ZFAND3: variants seen among roughly 807,000 people sequenced by gnomAD.
The protein encoded by ZFAND3 is AN1-type zinc finger protein 3.
Under a neutral mutation model 29.6 loss-of-function variants are expected in ZFAND3, and 10 were observed. The ratio of observed to expected loss-of-function variants is 0.34; its 90% CI spans 0.21 to 0.57. The LOEUF (loss-of-function observed/expected upper bound fraction) is 0.57, where lower values mean the gene tolerates loss of function less well. Among genes scored for constraint, ZFAND3 ranks in the 20% least tolerant of loss-of-function variants. The pLI is 0.86. For synonymous variants in ZFAND3, 128 were observed against 112.6 expected (o/e 1.14, Z -0.87); for missense variants, 230 against 304.5 (o/e 0.76, Z 1.82).
chr6:37,956,395 A>G (rs1322868445), intron 2 of ZFAND3, among the ~76,000 whole-genome samples: 1 of 152,206 alleles, frequency 6.6e-6, no homozygotes, highest in Admixed American at 6.5e-5. Context: ...ATGGAAGTAA[A>G]TAGAACACAA....
rs1474939901 is a variant in ZFAND3, at chr6:38,152,229, C to G, written c.530-6C>G. 1.3e-6 allele frequency: 2 copies of G among 1,502,552 alleles called. No homozygotes were observed. The highest frequency in any genetic ancestry group is 1.8e-6 in the Non-Finnish European group (2 of 1,122,364). The allele number at this position is 1,502,552 out of a possible 1,614,324, so 93.1% of individuals were successfully genotyped here. A position where few individuals can be genotyped will look rare whatever the true frequency, so the allele number is the denominator to read the frequency against. ...ACTCTTTCCTCTGCTTCTCCCGCTG[C>G]TGCAGGTTATGTGTTCTGTATGTTA... On this transcript the variant is annotated splice_polypyrimidine_tract_variant and splice_region_variant and intron_variant, in intron 5 of 5. Coordinates refer to ENST00000287218, the MANE Select transcript of ZFAND3 (RefSeq NM_021943.3).
At chr6:38,011,287 C>A (rs537908077) in intron 2 of ZFAND3, among the ~76,000 whole-genome samples, 34 of 152,040 alleles carry the variant, frequency 2.2e-4, no homozygotes, top group Admixed American at 3.9e-4. Flanking sequence ...TGAATGTATG[C>A]TTTTATTTTC....
rs1451266366 is a variant in ZFAND3 at position 38,065,396 on chromosome 6, AGAG to A, written c.295+3626_295+3628del. ...TCTGCACTTAAGGAGCAAAAAGGAT[AGAG>A]GAGGCAACTGAAGAAGTCAGGAGGA... On this transcript the variant is annotated intron_variant, in intron 3 of 5. Coordinates refer to ENST00000287218, the MANE Select transcript of ZFAND3 (RefSeq NM_021943.3). Among the ~76,000 whole-genome samples, 3 of 152,276 alleles carry A rather than the reference AGAG, an allele frequency of 2.0e-5. No individual in the cohort carries two copies. The East Asian group carries it at 5.8e-4, about 29-fold the overall frequency.
chr6:38,141,316 C>A (rs1174851437), intron 5 of ZFAND3, among the ~76,000 whole-genome samples: 3 of 152,292 alleles, frequency 2.0e-5, no homozygotes, highest in African/African-American at 7.2e-5. Flanking sequence ...AGACATGAGG[C>A]TTTTCAACAA....
At chr6:38,098,835 A>G (rs1038046195) in intron 4 of ZFAND3, among the ~76,000 whole-genome samples, 9 of 152,096 alleles carry the variant, frequency 5.9e-5, no homozygotes, top group Non-Finnish European at 2.9e-5. Context: ...GTCCTCACTT[A>G]ACATTGTTAA....
intron 1 of ZFAND3, among the ~76,000 whole-genome samples, chr6:37,885,912 A>G (rs554449511): frequency 1.3e-5 from 2 of 151,902 alleles, no homozygotes; most frequent in South Asian, 2.1e-4. Context: ...AAGTCAGTAT[A>G]CTTCTGAGCG....
At chr6:37,848,622 C>T (rs1208190436) in intron 1 of ZFAND3, among the ~76,000 whole-genome samples, 1 of 152,178 alleles carries the variant, frequency 6.6e-6, no homozygotes, top group African/African-American at 2.4e-5. Flanking sequence ...TTAGGAAATG[C>T]AGAAATAGAG....
chr6:37,932,218 G>A lies in ZFAND3; in HGVS notation c.112+2219G>A, dbSNP rs1044262794. Among the ~76,000 whole-genome samples, 9 of 151,350 alleles carry A rather than the reference G, an allele frequency of 5.9e-5. No homozygotes were observed. The East Asian group carries it at 1.6e-3, about 26-fold the overall frequency. ...TAGGAGGCGGAGTTTGCAGTGAGCCGAGATCACGCCACTGCACTCCAGCCA... is the reference window on the plus strand; with the variant it reads ...TAGGAGGCGGAGTTTGCAGTGAGCCAAGATCACGCCACTGCACTCCAGCCA... On this transcript the variant is annotated intron_variant, in intron 2 of 5. Transcript: ENST00000287218.
At chr6:37,877,026 T>C (rs1323271565) in intron 1 of ZFAND3, among the ~76,000 whole-genome samples, 2 of 152,226 alleles carry the variant, frequency 1.3e-5, no homozygotes, top group Non-Finnish European at 2.9e-5. Context: ...TTTTAATCTT[T>C]GTGTATTTAT....
chr6:38,013,725 G>C (rs1763201570), intron 2 of ZFAND3, among the ~76,000 whole-genome samples: 1 of 147,494 alleles, frequency 6.8e-6, no homozygotes. Flanking sequence ...AAACTGGAGA[G>C]TTAAAAAAAA....
chr6:37,901,696 A>G (rs929526254), intron 1 of ZFAND3, among the ~76,000 whole-genome samples: 12 of 152,244 alleles, frequency 7.9e-5, no homozygotes, highest in African/African-American at 2.9e-4. Context: ...AGTATGTTTC[A>G]GTTAAGCCTT....
chr6:37,820,353 G>T (rs916140975), intron 1 of ZFAND3, among the ~76,000 whole-genome samples: 1 of 152,224 alleles, frequency 6.6e-6, no homozygotes, highest in African/African-American at 2.4e-5. Flanking sequence ...GAGCAGGGGT[G>T]CCCCTTCCGT....
At chr6:38,012,725 C>T (rs185073600) in intron 2 of ZFAND3, among the ~76,000 whole-genome samples, 2 of 152,152 alleles carry the variant, frequency 1.3e-5, no homozygotes, top group South Asian at 2.1e-4. Flanking sequence ...GTCCAGAAAT[C>T]GTAACATGAA....
chr6:38,013,776 C>T (rs542816153), intron 2 of ZFAND3, among the ~76,000 whole-genome samples: 2 of 151,746 alleles, frequency 1.3e-5, no homozygotes, highest in Admixed American at 6.5e-5. Flanking sequence ...ACCTCATACA[C>T]GTGGAATCAA....
intron 2 of ZFAND3, among the ~76,000 whole-genome samples, chr6:38,011,474 TGTCA>T (rs1391652667): frequency 6.6e-6 from 1 of 152,162 alleles, no homozygotes; most frequent in Non-Finnish European, 1.5e-5. Flanking sequence ...CACCTGGTGT[TGTCA>T]GTCTTTAAAA....
intron 2 of ZFAND3, among the ~76,000 whole-genome samples, chr6:37,963,781 G>A (rs1206096339): frequency 6.6e-6 from 1 of 151,996 alleles, no homozygotes; most frequent in Non-Finnish European, 1.5e-5. Flanking sequence ...ATTTAAAGAT[G>A]TTCTATTGAT....
chr6:38,015,196 TTC>T (rs1365532787), intron 2 of ZFAND3, among the ~76,000 whole-genome samples: 1 of 152,204 alleles, frequency 6.6e-6, no homozygotes, highest in Non-Finnish European at 1.5e-5. Flanking sequence ...CTTTTGTAGT[TTC>T]TTTAAGGATT....
chr6:37,853,353 A>AAGAT (rs1764316992), intron 1 of ZFAND3, among the ~76,000 whole-genome samples: 1 of 151,168 alleles, frequency 6.6e-6, no homozygotes, highest in Non-Finnish European at 1.5e-5. Context: ...GGGGTGTTGA[A>AAGAT]AGATACCAAG....
At chr6:38,007,491 G>A (rs1763071051) in intron 2 of ZFAND3, among the ~76,000 whole-genome samples, 1 of 152,140 alleles carries the variant, frequency 6.6e-6, no homozygotes, top group Admixed American at 6.6e-5. Context: ...GCCACAGTGA[G>A]CTATGATTGT....
Sources: allele counts gnomAD v4.1 joint callset (sites outside exome capture counted in the v4.1 genomes callset), GRCh38; gene constraint gnomAD v4.1.1; transcripts MANE v1.5; gene names NCBI Gene and HGNC (gene_info 2026-07-23, HGNC 2026-07-21).